SIRPG: variants seen among roughly 807,000 people sequenced by gnomAD.
SIRPG encodes the protein signal-regulatory protein gamma.
Under a neutral mutation model 35.7 loss-of-function variants are expected in SIRPG, and 38 were observed. The observed-to-expected ratio is 1.06, with a 90% CI of 0.82 to 1.40. The LOEUF is 1.40. Ranked by LOEUF, SIRPG falls within the 40% of genes most tolerant of loss-of-function variation. The probability of loss-of-function intolerance (pLI) is 0.00; values close to 1 mark genes in which losing one functional copy is unlikely to be tolerated. For missense variants in SIRPG, 519 were observed against 483.0 expected, an observed-to-expected ratio of 1.07 and a Z score of -0.70; for synonymous variants, 215 against 190.4, an observed-to-expected ratio of 1.13 and a Z score of -1.06.
At chr20:1,660,783 A>C (rs2091993916), upstream of SIRPG, among the ~76,000 whole-genome samples, 1 of 152,180 alleles carries the variant, frequency 6.6e-6, no homozygotes, top group Admixed American at 6.5e-5. Context: ...GGTGCAGATA[A>C]CCAGGGACGA....
At chr20:1,678,222 C>G in the SIRPG span, among the ~76,000 whole-genome samples, 1 of 147,398 alleles carries the variant, frequency 6.8e-6, no homozygotes, top group African/African-American at 2.4e-5. Flanking sequence ...CCTCCTCCTT[C>G]TTATAAGGAC....
In SIRPG at chr20:1,636,204, C is replaced by G; in HGVS notation, c.732G>C (p.Leu244Phe). 6.2e-7 allele frequency: 1 copy of G among 1,614,096 alleles called. No homozygotes were observed. Among genetic ancestry groups the G allele is most frequent in the East Asian group, 2.2e-5 (1 of 44,872 alleles). The change falls in exon 3 of 6, where the codon TTG becomes TTC. Residue 244 changes from leucine to phenylalanine, a missense_variant. Coordinates refer to ENST00000303415, the MANE Select transcript of SIRPG (RefSeq NM_018556.4). Reference sequence around the variant, plus strand: ...GTCCTCTACCTCGGATGGCCTCAGACAAGTTGGCAGTCCCACGAAGAGGGT... The same window carrying G: ...GTCCTCTACCTCGGATGGCCTCAGAGAAGTTGGCAGTCCCACGAAGAGGGT... ...QGDPLRGTANLSEAIRVPPTL... is the reference protein window; with the variant it reads ...QGDPLRGTANFSEAIRVPPTL...
rs866155566 is a variant in SIRPG, at chr20:1,649,092, C to T, written c.390G>A (p.Val130=). Reference sequence around the variant, plus strand: ...CAGTGCCTGGTCCAGACTTAAACTCCACGTTCTCAGGGCTCCCTTTTCGAA... The same window carrying T: ...CAGTGCCTGGTCCAGACTTAAACTCTACGTTCTCAGGGCTCCCTTTTCGAA... ...VKFRKGSPEN[V]EFKSGPGTEM... The change falls in exon 2 of 6, where the codon GTG becomes GTA. Residue 130 remains valine (V), a synonymous_variant. Coordinates refer to ENST00000303415, the MANE Select transcript of SIRPG (RefSeq NM_018556.4). 1 of 1,613,904 alleles carries T rather than the reference C, an allele frequency of 6.2e-7. No individual in the cohort carries two copies. The highest frequency in any genetic ancestry group is 8.5e-7 in the Non-Finnish European group (1 of 1,179,832).
At chr20:1,661,058 T>C (rs1568743379), upstream of SIRPG, among the ~76,000 whole-genome samples, 1 of 152,202 alleles carries the variant, frequency 6.6e-6, no homozygotes, top group Non-Finnish European at 1.5e-5. Context: ...TATCTGACCA[T>C]GTCCTCCAAA....
At chr20:1,648,657 A>T (rs143367622) in intron 2 of SIRPG, among the ~76,000 whole-genome samples, 2 of 147,686 alleles carry the variant, frequency 1.4e-5, no homozygotes, top group East Asian at 1.9e-4. Flanking sequence ...TAAATAAAAA[A>T]AAATAAAAAA....
chr20:1,684,232 A>T, the SIRPG span, among the ~76,000 whole-genome samples: 2 of 152,234 alleles, frequency 1.3e-5, no homozygotes, highest in African/African-American at 4.8e-5. Context: ...AGCTCAAATT[A>T]ATCATGTACA....
At chr20:1,635,820 G>A (rs1347417039) in intron 3 of SIRPG, among the ~76,000 whole-genome samples, 1 of 152,206 alleles carries the variant, frequency 6.6e-6, no homozygotes, top group Non-Finnish European at 1.5e-5. Context: ...GCTCCTACTA[G>A]GCTAAGAATG....
chr20:1,638,252 G>T (rs2091820374), intron 2 of SIRPG, among the ~76,000 whole-genome samples: 1 of 152,164 alleles, frequency 6.6e-6, no homozygotes, highest in African/African-American at 2.4e-5. Context: ...AGCTAGCAAA[G>T]GGCCAAAAGT....
upstream of SIRPG, chr20:1,657,918 C>A (rs376417048): frequency 1.9e-6 from 1 of 522,104 alleles, no homozygotes; most frequent in African/African-American, 2.0e-5. Flanking sequence ...AATCGTGCTC[C>A]ATTTTCAGGA....
chr20:1,645,282 GGGGCAT>G lies in SIRPG; in HGVS notation c.430+3764_430+3769del, dbSNP rs147941553. ...GCTGTTCTCAAAGCCCCAACCCTAT[GGGGCAT>G]GACCTTTGCCAGGGGACTGGGTATG... On this transcript the variant is annotated intron_variant, in intron 2 of 5. Coordinates refer to ENST00000303415, the MANE Select transcript of SIRPG (RefSeq NM_018556.4). 1.5e-3 allele frequency among the ~76,000 whole-genome samples: 230 copies of G among 152,238 alleles called. 1 individual carries two copies. The highest frequency in any genetic ancestry group is 5.3e-3 in the African/African-American group (219 of 41,550).
At chr20:1,678,030 T>A in the SIRPG span, among the ~76,000 whole-genome samples, 10 of 152,234 alleles carry the variant, frequency 6.6e-5, no homozygotes, top group African/African-American at 2.4e-4. Context: ...GAAAGCATCA[T>A]GTGGTACACC....
At chr20:1,668,145 TTCTTTTTTTC>T in the SIRPG span, among the ~76,000 whole-genome samples, 1 of 114,964 alleles carries the variant, frequency 8.7e-6, no homozygotes, top group South Asian at 4.0e-4. Context: ...CTCTTTTCTT[TTCTTTTTTTC>T]TTTTCTTTTC....
upstream of SIRPG, among the ~76,000 whole-genome samples, chr20:1,661,875 C>T (rs1214890962): frequency 6.6e-6 from 1 of 152,230 alleles, no homozygotes; most frequent in African/African-American, 2.4e-5. Context: ...GCACTCATCT[C>T]ATGCCAGGGG....
rs1024803591 is a variant in SIRPG, at chr20:1,635,533, T to C, written c.815A>G (p.Gln272Arg). ...RVGNQVNVTCQVRKFYPQSLQ... is the reference protein window; with the variant it reads ...RVGNQVNVTCRVRKFYPQSLQ... ...GCTCTGGGGGTAGAACTTCCTCACC[T>C]GGCAGGTGACGTTTACCTGGTTCCC... is the stretch of plus-strand genomic sequence containing the variant. Residue 272 changes from glutamine (Q) to arginine (R), a missense_variant, in exon 4 of 6, where the codon CAG (glutamine) becomes CGG (arginine). By Grantham distance (43) the Gln-to-Arg change is conservative. Transcript: ENST00000303415. The C allele has an allele frequency of 1.1e-5, 17 of 1,614,090 alleles. No individual in the cohort carries two copies. Among genetic ancestry groups the C allele is most frequent in the Non-Finnish European group, 1.4e-5 (16 of 1,180,024 alleles).
intron 1 of SIRPG, among the ~76,000 whole-genome samples, chr20:1,649,933 G>A (rs1350910417): frequency 6.8e-6 from 1 of 146,276 alleles, no homozygotes; most frequent in Admixed American, 7.0e-5. Flanking sequence ...GCCCAGCCAA[G>A]GGATTCAATT....
At chr20:1,632,778 C>G (rs1211152013) in intron 4 of SIRPG, among the ~76,000 whole-genome samples, 1 of 151,802 alleles carries the variant, frequency 6.6e-6, no homozygotes, top group Admixed American at 6.6e-5. Flanking sequence ...TAAACGGAGG[C>G]AAAGGAATGA....
the SIRPG span, chr20:1,666,278 C>CAT: frequency 6.6e-6 from 1 of 152,152 alleles, no homozygotes; most frequent in Non-Finnish European, 1.5e-5. Context: ...AACCTCATAA[C>CAT]ATGAAAATGT....
the SIRPG span, among the ~76,000 whole-genome samples, chr20:1,663,883 G>A: frequency 1.3e-5 from 2 of 152,194 alleles, no homozygotes; most frequent in Non-Finnish European, 2.9e-5. Context: ...CTTAGTCCAC[G>A]TGTGTTGCTA....
At chr20:1,640,286 A>G (rs572388654) in intron 2 of SIRPG, among the ~76,000 whole-genome samples, 1 of 152,182 alleles carries the variant, frequency 6.6e-6, no homozygotes, top group East Asian at 1.9e-4. Flanking sequence ...ATTTCTTTGA[A>G]GCAGTGGTTT....
Sources: allele counts gnomAD v4.1 joint callset (sites outside exome capture counted in the v4.1 genomes callset), GRCh38; gene constraint gnomAD v4.1.1; transcripts MANE v1.5; gene names NCBI Gene and HGNC (gene_info 2026-07-23, HGNC 2026-07-21).